The following EPHA3 variants were observed in gnomAD, a reference collection of about 807,000 sequenced individuals.
EPHA3 encodes the protein ephrin type-A receptor 3.
Under a neutral mutation model 107.1 loss-of-function variants are expected in EPHA3, and 42 were observed. That is an observed-to-expected ratio of 0.39 (90% CI 0.31 to 0.51). The LOEUF (loss-of-function observed/expected upper bound fraction) is 0.51. Ranked by LOEUF, EPHA3 falls within the 20% of genes least tolerant of loss-of-function variation. The pLI, the probability that EPHA3 is intolerant of heterozygous loss-of-function variation, is 0.78. For synonymous variants in EPHA3, 461 were observed against 424.8 expected, an observed-to-expected ratio of 1.09 and a Z score of -1.05; for missense variants, 1,183 against 1,211.2, an observed-to-expected ratio of 0.98 and a Z score of 0.35.
At chr3:89,139,951 G>A (rs1440769601) in intron 2 of EPHA3, among the ~76,000 whole-genome samples, 2 of 151,780 alleles carry the variant, frequency 1.3e-5, no homozygotes, top group Non-Finnish European at 2.9e-5. Context: ...TCCAAATCTG[G>A]AGACACAGCA....
At chr3:89,394,139 G>C (rs1708801947) in intron 5 of EPHA3, among the ~76,000 whole-genome samples, 1 of 152,134 alleles carries the variant, frequency 6.6e-6, no homozygotes, top group East Asian at 1.9e-4. Context: ...GGCCAAGTGT[G>C]GTGGTTCATG....
At chr3:89,289,941 G>A (rs1407586402) in intron 3 of EPHA3, among the ~76,000 whole-genome samples, 1 of 152,132 alleles carries the variant, frequency 6.6e-6, no homozygotes, top group Non-Finnish European at 1.5e-5. Flanking sequence ...TTTCTGGGTT[G>A]TGAACATCAA....
Position 89,308,540 on chromosome 3 carries a change from G to A in EPHA3, c.815-32376G>A, listed in dbSNP as rs140833383. Among the ~76,000 whole-genome samples the A allele has an allele frequency of 9.9e-5, 15 of 151,976 alleles. 1 individual carries two copies. In the East Asian group the frequency reaches 2.9e-3, roughly 29 times the overall value. ...GACGGTTATGCTAAGAATTCTGCTT[G>A]CACAAGTTAGGTAGAAACAACTAAA... On this transcript the variant is annotated intron_variant, in intron 3 of 16. Transcript: ENST00000336596.
intron 5 of EPHA3, among the ~76,000 whole-genome samples, chr3:89,361,412 G>T (rs2107458395): frequency 6.6e-6 from 1 of 150,948 alleles, no homozygotes; most frequent in Non-Finnish European, 1.5e-5. Context: ...AAAAGGGCTA[G>T]AAAATCAGCT....
intron 10 of EPHA3, among the ~76,000 whole-genome samples, chr3:89,414,295 AATT>A (rs900166513): frequency 1.3e-5 from 2 of 151,668 alleles, no homozygotes; most frequent in Non-Finnish European, 3.0e-5. Flanking sequence ...CTTCTCTTCT[AATT>A]ATCTTAATTT....
Position 89,355,828 on chromosome 3 carries a change from A to AT in EPHA3, c.1306+13744dup, listed in dbSNP as rs951569628. ...TAAAAATGTGAATAAATATATATAT[A>AT]TTTTTTATTTTATTATTATTATACT... On this transcript the variant is annotated intron_variant, in intron 5 of 16. Transcript: ENST00000336596. Among the ~76,000 whole-genome samples, 31 of 147,580 alleles carry AT rather than the reference A, an allele frequency of 2.1e-4. 2 individuals carry two copies. Among genetic ancestry groups the AT allele is most frequent in the Non-Finnish European group, 4.4e-4 (29 of 66,468 alleles).
chr3:89,456,917 T>C (rs568644693), intron 15 of EPHA3, among the ~76,000 whole-genome samples: 1 of 152,304 alleles, frequency 6.6e-6, no homozygotes, highest in East Asian at 1.9e-4. Flanking sequence ...AGGTACCAGA[T>C]GTAGCTTCCA....
intron 3 of EPHA3, among the ~76,000 whole-genome samples, chr3:89,272,782 G>A (rs1444109807): frequency 1.3e-5 from 2 of 151,820 alleles, no homozygotes; most frequent in African/African-American, 2.4e-5. Context: ...TGGAACACAT[G>A]GAAAGTTGGA....
At chr3:89,108,791 C>G (rs1056715846) in intron 1 of EPHA3, among the ~76,000 whole-genome samples, 1 of 152,194 alleles carries the variant, frequency 6.6e-6, no homozygotes, top group African/African-American at 2.4e-5. Context: ...CAGTCACTAA[C>G]TCGTAAAACA....
intron 3 of EPHA3, among the ~76,000 whole-genome samples, chr3:89,335,477 C>T (rs896079531): frequency 6.6e-6 from 1 of 152,076 alleles, no homozygotes; most frequent in Non-Finnish European, 1.5e-5. Flanking sequence ...TAGCAAGTGT[C>T]TAGGTCATTT....
intron 15 of EPHA3, among the ~76,000 whole-genome samples, chr3:89,451,250 C>G (rs1709984194): frequency 6.6e-6 from 1 of 151,988 alleles, no homozygotes. Context: ...TCACTGAGTT[C>G]TCTCAGTGGT....
At chr3:89,314,486 G>A (rs1331449022) in intron 3 of EPHA3, among the ~76,000 whole-genome samples, 2 of 151,892 alleles carry the variant, frequency 1.3e-5, no homozygotes, top group Non-Finnish European at 2.9e-5. Flanking sequence ...AAAGCACCCT[G>A]ATTATAAAGA....
intron 2 of EPHA3, among the ~76,000 whole-genome samples, chr3:89,163,668 C>T (rs571992827): frequency 3.3e-5 from 5 of 152,034 alleles, no homozygotes; most frequent in Non-Finnish European, 5.9e-5. Flanking sequence ...CCTGGGAAAT[C>T]GAGGACTCTT....
At chr3:89,460,431 T>C (rs1297778922) in intron 15 of EPHA3, among the ~76,000 whole-genome samples, 1 of 152,196 alleles carries the variant, frequency 6.6e-6, no homozygotes, top group African/African-American at 2.4e-5. Flanking sequence ...TTAGTTAATT[T>C]AATTGAAATG....
At chr3:89,320,084 A>G (rs1337386482) in intron 3 of EPHA3, among the ~76,000 whole-genome samples, 1 of 152,020 alleles carries the variant, frequency 6.6e-6, no homozygotes, top group Non-Finnish European at 1.5e-5. Flanking sequence ...AAATAGCATA[A>G]TTCTAAGAAG....
intron 1 of EPHA3, among the ~76,000 whole-genome samples, chr3:89,119,180 T>C (rs1055630418): frequency 6.6e-6 from 1 of 152,076 alleles, no homozygotes; most frequent in Non-Finnish European, 1.5e-5. Flanking sequence ...GTTAAGCACA[T>C]ACCGAAGCTA....
intron 3 of EPHA3, among the ~76,000 whole-genome samples, chr3:89,283,145 C>T (rs1430676288): frequency 6.6e-6 from 1 of 152,036 alleles, no homozygotes; most frequent in Non-Finnish European, 1.5e-5. Flanking sequence ...CAAGTTTTAA[C>T]TATCATTATG....
chr3:89,141,286 G>C (rs937776500), intron 2 of EPHA3, among the ~76,000 whole-genome samples: 1 of 151,490 alleles, frequency 6.6e-6, no homozygotes, highest in Non-Finnish European at 1.5e-5. Context: ...TTACTCCATG[G>C]ACTTAGACTA....
chr3:89,460,823 C>CTTTTTTTTT lies in EPHA3; in HGVS notation c.2690+10460_2690+10468dup, dbSNP rs753656853. On this transcript the variant is annotated intron_variant, in intron 15 of 16. Coordinates refer to ENST00000336596, the MANE Select transcript of EPHA3 (RefSeq NM_005233.6). ...ATACCCAAGTGATCTCTCTGTCTCT[C>CTTTTTTTTT]TTTTTTTTTTTTTTTATTATACTCT... Among the ~76,000 whole-genome samples, 531 of 102,158 alleles carry CTTTTTTTTT rather than the reference C, an allele frequency of 5.2e-3. 2 individuals carry two copies. The highest frequency in any genetic ancestry group is 0.016 in the African/African-American group (417 of 26,740). The allele number at this position is 102,158 out of a possible 152,430, so 67.0% of individuals were successfully genotyped here.
Sources: allele counts gnomAD v4.1 joint callset (sites outside exome capture counted in the v4.1 genomes callset), GRCh38; gene constraint gnomAD v4.1.1; transcripts MANE v1.5; gene names NCBI Gene and HGNC (gene_info 2026-07-23, HGNC 2026-07-21).